Variants in RIMS1 observed in about 807,000 individuals in gnomAD.
RIMS1 encodes regulating synaptic membrane exocytosis 1.
A neutral mutation model predicts 214.1 loss-of-function variants in RIMS1; 83 were observed. The ratio of observed to expected loss-of-function variants is 0.39; its 90% CI spans 0.32 to 0.47. The LOEUF (loss-of-function observed/expected upper bound fraction) is 0.47. Ranked by LOEUF, RIMS1 falls within the 20% of genes least tolerant of loss-of-function variation. RIMS1 has a pLI of 0.99. For synonymous variants in RIMS1, 793 were observed against 786.8 expected, an observed-to-expected ratio of 1.01 and a Z score of -0.13; for missense variants, 2,050 against 2,161.8, an observed-to-expected ratio of 0.95 and a Z score of 1.03.
At chr6:72,053,967 T>G (rs565112135) in intron 2 of RIMS1, among the ~76,000 whole-genome samples, 3 of 152,306 alleles carry the variant, frequency 2.0e-5, no homozygotes, top group South Asian at 2.1e-4. Context: ...GTGTAGTTTG[T>G]TACATAAGTA....
chr6:72,309,293 C>T (rs368371107), intron 27 of RIMS1, among the ~76,000 whole-genome samples: 1 of 152,258 alleles, frequency 6.6e-6, no homozygotes, highest in Non-Finnish European at 1.5e-5. Context: ...ACTCCAAATT[C>T]TCTGACTCAT....
At position 72,261,140 on chromosome 6, in the gene RIMS1, A is replaced by C. The variant is rs2077802705; in HGVS notation, c.3116+373A>C. The stretch of plus-strand genomic sequence containing the variant: ...ACAAGAGGTCTAATCTGTGTATGGC[A>C]GTGTCATTGTTTCATAATTGTAAGT... On this transcript the variant is annotated intron_variant, in intron 19 of 33. Coordinates refer to ENST00000521978, the MANE Select transcript of RIMS1 (RefSeq NM_014989.7). The C allele has an allele frequency of 3.8e-6, 4 of 1,051,966 alleles. No homozygotes were observed. In the East Asian group the frequency reaches 2.6e-4, roughly 67 times the overall value. The allele number at this position is 1,051,966 out of a possible 1,614,324, so 65.2% of individuals were successfully genotyped here.
chr6:72,332,888 G>T (rs535806685), intron 28 of RIMS1, among the ~76,000 whole-genome samples: 5 of 151,788 alleles, frequency 3.3e-5, no homozygotes, highest in African/African-American at 1.2e-4. Context: ...TGGTAACATA[G>T]ACAAGTTTTG....
intron 1 of RIMS1, among the ~76,000 whole-genome samples, chr6:71,891,233 C>G (rs1582908507): frequency 6.6e-6 from 1 of 152,172 alleles, no homozygotes; most frequent in Non-Finnish European, 1.5e-5. Context: ...GGTTCTAGTT[C>G]TAGTTCTGCC....
chr6:72,387,666 A>G (rs2098636831), intron 29 of RIMS1, among the ~76,000 whole-genome samples: 3 of 152,232 alleles, frequency 2.0e-5, no homozygotes, highest in Non-Finnish European at 4.4e-5. Context: ...CAAAAAGGGG[A>G]TAGGAAGAGA....
At chr6:72,292,938 G>T (rs903461744) in intron 26 of RIMS1, among the ~76,000 whole-genome samples, 8 of 151,966 alleles carry the variant, frequency 5.3e-5, no homozygotes, top group Non-Finnish European at 1.0e-4. Flanking sequence ...CAGTGTTATT[G>T]TTGCTGATGG....
At chr6:71,952,976 CTT>C (rs528992913) in intron 1 of RIMS1, among the ~76,000 whole-genome samples, 1 of 139,314 alleles carries the variant, frequency 7.2e-6, no homozygotes. Context: ...AGAAGCGCAT[CTT>C]TTTTTTTTTT....
chr6:71,998,197 C>T (rs983917576), intron 2 of RIMS1, among the ~76,000 whole-genome samples: 3 of 152,042 alleles, frequency 2.0e-5, no homozygotes, highest in African/African-American at 7.2e-5. Flanking sequence ...TGTGGATTTT[C>T]AATATTTTTG....
intron 19 of RIMS1, chr6:72,262,590 C>T (rs1463614460): frequency 1.2e-5 from 12 of 960,258 alleles, no homozygotes; most frequent in Middle Eastern, 5.4e-4. Flanking sequence ...TTCAAAAATA[C>T]GTGCATGTAT....
chr6:72,073,665 T>A (rs1405423122), intron 2 of RIMS1, among the ~76,000 whole-genome samples: 1 of 152,206 alleles, frequency 6.6e-6, no homozygotes, highest in African/African-American at 2.4e-5. Flanking sequence ...GTCAAATGAC[T>A]ATTCAAAAGG....
intron 2 of RIMS1, among the ~76,000 whole-genome samples, chr6:72,009,297 C>T (rs1658556605): frequency 6.6e-6 from 1 of 152,120 alleles, no homozygotes; most frequent in African/African-American, 2.4e-5. Context: ...ACACAACATA[C>T]CAGAATCTCT....
intron 1 of RIMS1, among the ~76,000 whole-genome samples, chr6:71,931,337 A>C (rs534506124): frequency 6.6e-6 from 1 of 152,030 alleles, no homozygotes; most frequent in Non-Finnish European, 1.5e-5. Flanking sequence ...AAGAAACACA[A>C]TCTTATTTTC....
At chr6:72,027,698 T>G (rs1816934251) in intron 2 of RIMS1, among the ~76,000 whole-genome samples, 1 of 152,080 alleles carries the variant, frequency 6.6e-6, no homozygotes, top group Admixed American at 6.6e-5. Flanking sequence ...CTTACTGTCA[T>G]AAAGTTATCA....
chr6:72,106,718 T>G (rs2034816511), intron 4 of RIMS1, among the ~76,000 whole-genome samples: 1 of 152,222 alleles, frequency 6.6e-6, no homozygotes, highest in Admixed American at 6.5e-5. Context: ...ACAATTACTT[T>G]GTTAAATTAC....
intron 6 of RIMS1, chr6:72,213,043 T>G (rs1168227495): frequency 6.5e-7 from 1 of 1,529,124 alleles, no homozygotes. Flanking sequence ...TCTTCTTAGA[T>G]AAGATCTTGA....
At chr6:72,105,080 C>G (rs2034461208) in intron 4 of RIMS1, among the ~76,000 whole-genome samples, 1 of 151,326 alleles carries the variant, frequency 6.6e-6, no homozygotes, top group Non-Finnish European at 1.5e-5. Context: ...ACAGGTGTGT[C>G]TGGCTAATTA....
At chr6:72,280,553 T>G (rs978478171) in intron 23 of RIMS1, among the ~76,000 whole-genome samples, 3 of 152,170 alleles carry the variant, frequency 2.0e-5, no homozygotes, top group Middle Eastern at 6.8e-3. Flanking sequence ...TTAATTTACG[T>G]ATTCTTTTAA....
chr6:72,256,349 A>G (rs1025068696), intron 16 of RIMS1, among the ~76,000 whole-genome samples: 1 of 152,124 alleles, frequency 6.6e-6, no homozygotes, highest in African/African-American at 2.4e-5. Context: ...AGTTACATTA[A>G]AAGTTGTTAA....
chr6:72,387,417 T>C (rs911600681), intron 29 of RIMS1, among the ~76,000 whole-genome samples: 3 of 152,224 alleles, frequency 2.0e-5, no homozygotes, highest in Non-Finnish European at 2.9e-5. Context: ...ACTTTGGTAA[T>C]ATACCCCTGG....
Sources: allele counts gnomAD v4.1 joint callset (sites outside exome capture counted in the v4.1 genomes callset), GRCh38; gene constraint gnomAD v4.1.1; transcripts MANE v1.5; gene names NCBI Gene and HGNC (gene_info 2026-07-23, HGNC 2026-07-21).